Variants in CERS3 observed in about 807,000 individuals in gnomAD.
CERS3 encodes LAG1 homolog, ceramide synthase 3.
Under a neutral mutation model 50.3 loss-of-function variants are expected in CERS3, and 33 were observed. The observed-to-expected ratio is 0.66, with a 90% CI of 0.50 to 0.88. The LOEUF (loss-of-function observed/expected upper bound fraction) is 0.88, where lower values mean the gene tolerates loss of function less well. Among genes scored for constraint, CERS3 ranks in the 40% least tolerant of loss-of-function variants. The pLI is 0.00. For missense variants in CERS3, 470 were observed against 460.3 expected, an observed-to-expected ratio of 1.02 and a Z score of -0.19; for synonymous variants, 176 against 155.2, an observed-to-expected ratio of 1.13 and a Z score of -0.99.
chr15:100,540,826 A>G (rs1044626514), intron 1 of CERS3, among the ~76,000 whole-genome samples: 3 of 152,320 alleles, frequency 2.0e-5, no homozygotes, highest in Admixed American at 6.5e-5. Flanking sequence ...TTAAGAGTGG[A>G]TAACACACTC....
chr15:100,467,837 G>GTATATATACACA (rs2034817590), intron 10 of CERS3, among the ~76,000 whole-genome samples: 1 of 56,356 alleles, frequency 1.8e-5, no homozygotes, highest in African/African-American at 5.6e-5. Flanking sequence ...ATATATACGT[G>GTATATATACACA]TATATATATA....
chr15:100,541,003 T>C (rs1272941354), intron 1 of CERS3, among the ~76,000 whole-genome samples: 2 of 152,142 alleles, frequency 1.3e-5, no homozygotes, highest in Non-Finnish European at 2.9e-5. Context: ...GAAATCGCAG[T>C]GAACAAGGCA....
chr15:100,456,250 TG>T (rs2142198538), intron 10 of CERS3, among the ~76,000 whole-genome samples: 1 of 152,362 alleles, frequency 6.6e-6, no homozygotes, highest in South Asian at 2.1e-4. Context: ...TCTGTCTTCC[TG>T]AAGAAAAGTT....
At position 100,521,217 on chromosome 15, in the gene CERS3, C is replaced by G. The variant is rs151261936; in HGVS notation, c.-2+450G>C. On this transcript the variant is annotated intron_variant, in intron 2 of 11. Coordinates refer to ENST00000679737, the MANE Select transcript of CERS3 (RefSeq NM_001378789.1). ...ACATGCTTCATGAATGACTCTTCCT[C>G]GTACAAATGATGATTTTTTATCATT... is the stretch of plus-strand genomic sequence containing the variant. Among the ~76,000 whole-genome samples, 40 of 152,284 alleles carry G rather than the reference C, an allele frequency of 2.6e-4. 1 individual carries two copies. The highest frequency in any genetic ancestry group is 9.6e-4 in the African/African-American group (40 of 41,554).
At chr15:100,505,581 T>A (rs1470664789) in intron 2 of CERS3, among the ~76,000 whole-genome samples, 1 of 152,208 alleles carries the variant, frequency 6.6e-6, no homozygotes, top group Non-Finnish European at 1.5e-5. Context: ...AAGAACCCAT[T>A]CTTCACATCA....
At chr15:100,525,989 T>C (rs74042226) in intron 1 of CERS3, among the ~76,000 whole-genome samples, 3,611 of 152,260 alleles carry the variant, frequency 0.024, 162 homozygotes, top group African/African-American at 0.082. Context: ...TTGTATTGTG[T>C]GTTGAGGTGT....
intron 11 of CERS3, among the ~76,000 whole-genome samples, chr15:100,403,461 A>G (rs1482939261): frequency 6.6e-6 from 1 of 152,116 alleles, no homozygotes; most frequent in Non-Finnish European, 1.5e-5. Context: ...AAACCAATAA[A>G]CCCAAAAGCC....
chr15:100,507,162 G>A (rs988419880), intron 2 of CERS3, among the ~76,000 whole-genome samples: 1 of 152,098 alleles, frequency 6.6e-6, no homozygotes, highest in Non-Finnish European at 1.5e-5. Context: ...ACTATAACCA[G>A]GTTCAGAGTT....
At chr15:100,482,074 C>G (rs2654641) in intron 5 of CERS3, among the ~76,000 whole-genome samples, 149,932 of 152,296 alleles carry the variant, frequency 0.98, 73,846 homozygotes, top group East Asian at 1. Context: ...TGCTCTTTGG[C>G]ATTTCCAAGA....
chr15:100,454,386 T>C (rs1436595104), intron 11 of CERS3, among the ~76,000 whole-genome samples: 1 of 13,016 alleles, frequency 7.7e-5, no homozygotes, highest in African/African-American at 2.3e-4. Flanking sequence ...CAAGGCATTG[T>C]CAAAAAAAAA....
rs975317374 is a variant in CERS3 at position 100,418,093 on chromosome 15, C to T, written c.1000-15228G>A. 1.8e-3 allele frequency among the ~76,000 whole-genome samples: 279 copies of T among 152,074 alleles called. 2 individuals are homozygous for T. The highest frequency in any genetic ancestry group is 5.8e-3 in the African/African-American group (239 of 41,400). On this transcript the variant is annotated intron_variant, in intron 11 of 11. Transcript: ENST00000679737. ...AAAGCTGGATGGAGAATGACTTTGA[C>T]GAGCTGAGAGAAGAAGGCTTCAGAC...
intron 11 of CERS3, among the ~76,000 whole-genome samples, chr15:100,420,757 G>A (rs2032364597): frequency 6.6e-6 from 1 of 151,850 alleles, no homozygotes; most frequent in South Asian, 2.1e-4. Flanking sequence ...CTTCATCTCT[G>A]GGATGCAAGG....
intron 11 of CERS3, among the ~76,000 whole-genome samples, chr15:100,442,479 C>G (rs2142156205): frequency 6.6e-6 from 1 of 152,330 alleles, no homozygotes; most frequent in East Asian, 1.9e-4. Flanking sequence ...CCAGCCACAT[C>G]TCCAGCACAC....
Position 100,421,317 on chromosome 15 carries a change from T to G in CERS3, c.1000-18452A>C, listed in dbSNP as rs1377696986. Among the ~76,000 whole-genome samples the G allele has an allele frequency of 4.7e-5, 7 of 149,764 alleles. No individual in the cohort carries two copies. In the South Asian group the frequency reaches 1.5e-3, roughly 31 times the overall value. ...GACAAACAGAGAGCCAAATCATGAG[T>G]GAACTCCCATTCACAATTGCTTCAA... is the stretch of plus-strand genomic sequence containing the variant. On this transcript the variant is annotated intron_variant, in intron 11 of 11. Coordinates refer to ENST00000679737, the MANE Select transcript of CERS3 (RefSeq NM_001378789.1).
chr15:100,507,733 C>A (rs2036225711), intron 2 of CERS3, among the ~76,000 whole-genome samples: 1 of 152,242 alleles, frequency 6.6e-6, no homozygotes, highest in Non-Finnish European at 1.5e-5. Context: ...CTGGCATTGG[C>A]CTGACCTTAG....
At chr15:100,502,161 C>T (rs1250360330) in intron 2 of CERS3, among the ~76,000 whole-genome samples, 3 of 148,690 alleles carry the variant, frequency 2.0e-5, no homozygotes, top group African/African-American at 7.4e-5. Flanking sequence ...AGGAGAATAG[C>T]TTGATCCCAG....
intron 3 of CERS3, among the ~76,000 whole-genome samples, chr15:100,498,287 A>G (rs1402131880): frequency 6.6e-6 from 1 of 152,230 alleles, no homozygotes; most frequent in African/African-American, 2.4e-5. Flanking sequence ...CTAGGAAATC[A>G]ATCACCTAAT....
chr15:100,444,973 T>C (rs2033871269), intron 11 of CERS3, among the ~76,000 whole-genome samples: 1 of 152,084 alleles, frequency 6.6e-6, no homozygotes, highest in African/African-American at 2.4e-5. Flanking sequence ...AGTGAAACCT[T>C]TATATCCCTT....
At chr15:100,404,584 A>C (rs917338253) in intron 11 of CERS3, among the ~76,000 whole-genome samples, 2 of 152,250 alleles carry the variant, frequency 1.3e-5, no homozygotes, top group African/African-American at 4.8e-5. Flanking sequence ...AATACTAATC[A>C]ATGTCCCAGC....
Sources: gnomAD v4.1 joint callset for allele counts (sites outside exome capture counted in the v4.1 genomes callset) on GRCh38, gnomAD v4.1.1 for gene constraint, MANE v1.5 for transcripts, NCBI Gene and HGNC (gene_info 2026-07-23, HGNC 2026-07-21) for gene names.